Variants in DPY19L3 observed in about 807,000 individuals in gnomAD.
DPY19L3 encodes protein C-mannosyl-transferase DPY19L3.
In DPY19L3, 51 loss-of-function variants were observed where a neutral mutation model predicts 92.3. The observed-to-expected ratio is 0.55, with a 90% CI of 0.44 to 0.70. DPY19L3 has a LOEUF of 0.70. Ranked by LOEUF, DPY19L3 falls within the 30% of genes least tolerant of loss-of-function variation. DPY19L3 has a pLI of 0.00. For missense variants in DPY19L3, 706 were observed against 855.9 expected (o/e 0.82, Z 2.18); for synonymous variants, 309 against 315.2 (o/e 0.98, Z 0.21).
chr19:32,432,638 T>G, intron 3 of DPY19L3, 78 bp from the exon 4 acceptor site: 1 of 1,220,920 alleles, frequency 8.2e-7, no homozygotes, highest in Admixed American at 2.2e-5. Flanking sequence ...GTTGCAGTTA[T>G]GTATCCTTTC....
At chr19:32,434,317 T>G (rs1278798709) in intron 4 of DPY19L3, among the ~76,000 whole-genome samples, 1 of 152,170 alleles carries the variant, frequency 6.6e-6, no homozygotes, top group Non-Finnish European at 1.5e-5. Flanking sequence ...AAAGTCTGTT[T>G]TATGCCATGT....
chr19:32,436,757 T>G (rs1434717943), intron 5 of DPY19L3, among the ~76,000 whole-genome samples, 190 bp downstream of exon 5: 1 of 152,168 alleles, frequency 6.6e-6, no homozygotes, highest in Non-Finnish European at 1.5e-5. Flanking sequence ...GGATATAAGG[T>G]TTTTGTACAC....
At chr19:32,453,487 T>TA (rs1283692379) in intron 9 of DPY19L3, among the ~76,000 whole-genome samples, 2 of 152,188 alleles carry the variant, frequency 1.3e-5, no homozygotes, top group African/African-American at 2.4e-5. Context: ...AGTTATTTCT[T>TA]AGAGAATTGG....
chr19:32,450,469 T>G (rs1035423711), intron 8 of DPY19L3, among the ~76,000 whole-genome samples: 1 of 152,176 alleles, frequency 6.6e-6, no homozygotes, highest in African/African-American at 2.4e-5. Flanking sequence ...AGCTACAAAG[T>G]GGAAACCACC....
In DPY19L3 at chr19:32,426,590, C is replaced by T. The variant is rs981447741; in HGVS notation, c.238-6126C>T. Among the ~76,000 whole-genome samples, 5 of 152,108 alleles carry T rather than the reference C, an allele frequency of 3.3e-5. No homozygotes were observed. The East Asian group carries it at 9.6e-4, about 29-fold the overall frequency. On this transcript the variant is annotated intron_variant, in intron 3 of 18. Coordinates refer to ENST00000392250, the MANE Select transcript of DPY19L3 (RefSeq NM_001172774.2). ...TCCGATATTATTGTGTCTCAGGGAG[C>T]AGAGAGGCCTGGGGAGAGGAAATGA...
intron 16 of DPY19L3, among the ~76,000 whole-genome samples, chr19:32,473,826 G>T (rs1038621721): frequency 6.6e-6 from 1 of 152,130 alleles, no homozygotes; most frequent in African/African-American, 2.4e-5. Flanking sequence ...TTTATTTTTT[G>T]AGATGGAATC....
chr19:32,433,351 C>G (rs1221743380), intron 4 of DPY19L3, among the ~76,000 whole-genome samples: 1 of 152,186 alleles, frequency 6.6e-6, no homozygotes, highest in Non-Finnish European at 1.5e-5. Context: ...TGACAGAAAA[C>G]TGCTCTTTTA....
At chr19:32,436,340 G>C in intron 4 of DPY19L3, 106 bp from the exon 5 acceptor site, 1 of 794,544 alleles carries the variant, frequency 1.3e-6, no homozygotes, top group Non-Finnish European at 1.8e-6. Flanking sequence ...TATCCCCAAT[G>C]CCTACCACAG....
At chr19:32,459,876 A>G (rs1260707872) in intron 12 of DPY19L3, among the ~76,000 whole-genome samples, 1 of 152,208 alleles carries the variant, frequency 6.6e-6, no homozygotes, top group Non-Finnish European at 1.5e-5. Context: ...TCACTTAACA[A>G]GGGGGATATG....
At chr19:32,452,830 A>C (rs1172942480) in intron 8 of DPY19L3, among the ~76,000 whole-genome samples, 1 of 150,278 alleles carries the variant, frequency 6.7e-6, no homozygotes, top group Non-Finnish European at 1.5e-5. Context: ...AATAGCTGGG[A>C]TCACAGGCAC....
chr19:32,473,733 T>A (rs542360491), intron 16 of DPY19L3, among the ~76,000 whole-genome samples: 1 of 152,380 alleles, frequency 6.6e-6, no homozygotes, highest in South Asian at 2.1e-4. Flanking sequence ...CAAAGCCACA[T>A]GGCATGGAGG....
chr19:32,435,202 A>G (rs1014955965), intron 4 of DPY19L3, among the ~76,000 whole-genome samples: 2 of 152,150 alleles, frequency 1.3e-5, no homozygotes, highest in Non-Finnish European at 2.9e-5. Flanking sequence ...TTCCTCTTAT[A>G]AGAACACCAG....
chr19:32,408,820 T>C (rs1215353901), intron 2 of DPY19L3, among the ~76,000 whole-genome samples: 1 of 149,398 alleles, frequency 6.7e-6, no homozygotes, highest in African/African-American at 2.5e-5. Context: ...CTTTTATTGG[T>C]GGGAAAAGTA....
chr19:32,432,185 C>T (rs1968991788), intron 3 of DPY19L3, among the ~76,000 whole-genome samples: 1 of 152,020 alleles, frequency 6.6e-6, no homozygotes, highest in Non-Finnish European at 1.5e-5. Flanking sequence ...GTTTTCAGTT[C>T]TTCTAGGGTT....
chr19:32,437,452 T>C (rs1329952735), intron 6 of DPY19L3, 113 bp downstream of exon 6: 5 of 1,296,704 alleles, frequency 3.9e-6, no homozygotes, highest in Non-Finnish European at 5.2e-6. Flanking sequence ...TTGGGAGCAG[T>C]TTCTCTTTGG....
At chr19:32,407,663 T>G (rs1387987906) in intron 1 of DPY19L3, among the ~76,000 whole-genome samples, 1 of 152,248 alleles carries the variant, frequency 6.6e-6, no homozygotes, top group Non-Finnish European at 1.5e-5. Flanking sequence ...TCGTTTGTGT[T>G]GCTTACCTGT....
At chr19:32,447,779 T>A (rs906692174) in intron 8 of DPY19L3, among the ~76,000 whole-genome samples, 5 of 135,592 alleles carry the variant, frequency 3.7e-5, no homozygotes, top group Non-Finnish European at 8.1e-5. Context: ...ATAGATAGAT[T>A]AGATAAGATA....
intron 3 of DPY19L3, among the ~76,000 whole-genome samples, chr19:32,423,167 G>A (rs1169906237): frequency 6.6e-6 from 1 of 152,138 alleles, no homozygotes; most frequent in East Asian, 1.9e-4. Flanking sequence ...CTAAAAATTA[G>A]TGATAGAACA....
intron 3 of DPY19L3, among the ~76,000 whole-genome samples, chr19:32,425,923 C>T (rs1727977137): frequency 6.6e-6 from 1 of 152,208 alleles, no homozygotes; most frequent in Admixed American, 6.5e-5. Flanking sequence ...TCAGCCTATG[C>T]TCTGAAGCTT....
Sources: allele counts gnomAD v4.1 joint callset (sites outside exome capture counted in the v4.1 genomes callset), GRCh38; gene constraint gnomAD v4.1.1; transcripts MANE v1.5; gene names NCBI Gene and HGNC (gene_info 2026-07-23, HGNC 2026-07-21).